Variants in FAM185A observed in about 807,000 individuals in gnomAD.
The protein encoded by FAM185A is family with sequence similarity 185 member A.
A neutral mutation model predicts 45.7 loss-of-function variants in FAM185A; 21 were observed. The ratio of observed to expected loss-of-function variants is 0.46; its 90% CI spans 0.33 to 0.66. FAM185A has a LOEUF of 0.66. Ranked by LOEUF, FAM185A falls within the 30% of genes least tolerant of loss-of-function variation. The pLI, the probability that FAM185A is intolerant of heterozygous loss-of-function variation, is 0.03. For missense variants in FAM185A, 305 were observed against 485.4 expected, an observed-to-expected ratio of 0.63 and a Z score of 3.49; for synonymous variants, 117 against 194.0, an observed-to-expected ratio of 0.60 and a Z score of 3.30.
At chr7:102,789,450 T>A (rs1263615652) in intron 7 of FAM185A, among the ~76,000 whole-genome samples, 1 of 152,246 alleles carries the variant, frequency 6.6e-6, no homozygotes, top group East Asian at 1.9e-4. Context: ...GGCTTACGCC[T>A]GTAATCCCAG....
intron 7 of FAM185A, among the ~76,000 whole-genome samples, chr7:102,799,848 G>C (rs1158224352): frequency 1.3e-5 from 2 of 152,076 alleles, no homozygotes; most frequent in African/African-American, 4.8e-5. Context: ...CCCAGTGGCC[G>C]GGAGTGGCAA....
chr7:102,842,848 T>C, the FAM185A span, among the ~76,000 whole-genome samples: 1 of 152,218 alleles, frequency 6.6e-6, no homozygotes, highest in African/African-American at 2.4e-5. Context: ...CCTCAGTTTC[T>C]ACTTAGACTA....
chr7:102,749,486 C>T lies in FAM185A; in HGVS notation c.279C>T (p.Leu93=), dbSNP rs1182087535. ...CHLAVRPLDP[L]TYPDGDRVLV... ...TGGCCGTGAGGCCCCTGGACCCCCT[C>T]ACCTACCCGGATGGCGACCGCGTGC... The change falls in exon 1 of 8, where the codon CTC becomes CTT. Residue 93 remains leucine, a synonymous_variant. Transcript: ENST00000413034. 1 of 1,539,956 alleles carries T rather than the reference C, an allele frequency of 6.5e-7. No individual in the cohort carries two copies. Among genetic ancestry groups the T allele is most frequent in the East Asian group, 2.4e-5 (1 of 40,824 alleles).
chr7:102,805,517 T>C (rs546818491), intron 7 of FAM185A, among the ~76,000 whole-genome samples: 2 of 151,136 alleles, frequency 1.3e-5, no homozygotes, highest in Admixed American at 1.3e-4. Context: ...ACAATGGACT[T>C]TGGGGACGTG....
rs560803310 is a variant in FAM185A at position 102,772,928 on chromosome 7, C to T, written c.835+478C>T. ...TGGTCAACAGGACATAGTTTCTGTGCTCAGAGACCTCACCTTCTCTGAGCC... is the reference window on the plus strand; with the variant it reads ...TGGTCAACAGGACATAGTTTCTGTGTTCAGAGACCTCACCTTCTCTGAGCC... On this transcript the variant is annotated intron_variant, in intron 5 of 7. Transcript: ENST00000413034. 3.3e-5 allele frequency among the ~76,000 whole-genome samples: 5 copies of T among 152,066 alleles called. No individual in the cohort carries two copies. The South Asian group carries it at 8.3e-4, about 25-fold the overall frequency.
At chr7:102,827,147 C>T in the FAM185A span, 1 of 455,084 alleles carries the variant, frequency 2.2e-6, no homozygotes, top group African/African-American at 2.0e-5. Flanking sequence ...CTTGCAGCTT[C>T]TACCTTTAGC....
At chr7:102,821,278 C>G in the FAM185A span, among the ~76,000 whole-genome samples, 1 of 152,202 alleles carries the variant, frequency 6.6e-6, no homozygotes, top group Non-Finnish European at 1.5e-5. Context: ...CCCCTTCTCT[C>G]TGATCCAACT....
At chr7:102,807,108 T>C (rs1489006768) in intron 7 of FAM185A, among the ~76,000 whole-genome samples, 2 of 152,080 alleles carry the variant, frequency 1.3e-5, no homozygotes, top group African/African-American at 4.8e-5. Context: ...TATACTCCCA[T>C]TTATACCATT....
At chr7:102,807,710 G>C (rs184639925) in intron 7 of FAM185A, among the ~76,000 whole-genome samples, 1 of 150,132 alleles carries the variant, frequency 6.7e-6, no homozygotes. Context: ...TAAGGAGTTC[G>C]AGACCTGCCT....
At chr7:102,765,554 G>C (rs1035488489) in intron 4 of FAM185A, among the ~76,000 whole-genome samples, 1 of 151,922 alleles carries the variant, frequency 6.6e-6, no homozygotes, top group Non-Finnish European at 1.5e-5. Flanking sequence ...GCCCATTAAT[G>C]AGGAAAAGAG....
chr7:102,810,177 C>T (rs1584380593), downstream of FAM185A, among the ~76,000 whole-genome samples: 6 of 152,268 alleles, frequency 3.9e-5, no homozygotes, highest in East Asian at 1.2e-3. Flanking sequence ...TATAGCAAAA[C>T]AAGAATGGCC....
intron 3 of FAM185A, among the ~76,000 whole-genome samples, chr7:102,760,595 A>G (rs1295064814): frequency 1.3e-5 from 2 of 152,060 alleles, no homozygotes; most frequent in Admixed American, 1.3e-4. Flanking sequence ...ATTATTTTAA[A>G]AATATCTATA....
chr7:102,749,191 G>A lies in FAM185A; in HGVS notation c.-17G>A. On this transcript the variant is annotated 5_prime_UTR_variant, in exon 1 of 8. Transcript: ENST00000413034. ...CTGTGGCTGAAGTGTTCTGAGGACT[G>A]GCGAGAGAGGCGCGCCATGCTTGCC... 1.9e-6 allele frequency: 3 copies of A among 1,551,218 alleles called. No homozygotes were observed. The highest frequency in any genetic ancestry group is 2.6e-6 in the Non-Finnish European group (3 of 1,146,886).
the FAM185A span, among the ~76,000 whole-genome samples, chr7:102,838,133 A>G: frequency 6.6e-6 from 1 of 152,186 alleles, no homozygotes; most frequent in African/African-American, 2.4e-5. Flanking sequence ...TTAAGAGCAC[A>G]GTCTGGGGGC....
chr7:102,776,116 A>ACACATATACAC (rs1198677194), intron 5 of FAM185A, among the ~76,000 whole-genome samples: 1 of 126,576 alleles, frequency 7.9e-6, no homozygotes, highest in African/African-American at 3.7e-5. Context: ...ACACACACAC[A>ACACATATACAC]AATGTTTTCT....
chr7:102,843,209 T>G, the FAM185A span, among the ~76,000 whole-genome samples: 1 of 152,134 alleles, frequency 6.6e-6, no homozygotes, highest in Non-Finnish European at 1.5e-5. Context: ...TTTGGGAGGC[T>G]GAGACAGGCG....
the FAM185A span, among the ~76,000 whole-genome samples, chr7:102,840,752 T>C: frequency 1.2e-4 from 19 of 152,210 alleles, no homozygotes; most frequent in African/African-American, 4.3e-4. Flanking sequence ...GCCTGGAATC[T>C]GAAATTGTAT....
chr7:102,829,704 C>T, the FAM185A span, among the ~76,000 whole-genome samples: 696 of 152,208 alleles, frequency 4.6e-3, 7 homozygotes, highest in African/African-American at 0.016. Flanking sequence ...TACTAACTGA[C>T]CTTCGAGGTG....
At chr7:102,760,210 A>G (rs551161126) in intron 3 of FAM185A, among the ~76,000 whole-genome samples, 1 of 152,196 alleles carries the variant, frequency 6.6e-6, no homozygotes, top group African/African-American at 2.4e-5. Context: ...TAAGAACTAT[A>G]TATATGTATT....
Sources: gnomAD v4.1 joint callset for allele counts (sites outside exome capture counted in the v4.1 genomes callset) on GRCh38, gnomAD v4.1.1 for gene constraint, MANE v1.5 for transcripts, NCBI Gene and HGNC (gene_info 2026-07-23, HGNC 2026-07-21) for gene names.